The following CELF2 variants were observed in gnomAD, a reference collection of about 807,000 sequenced individuals.
CELF2 encodes CUG triplet repeat RNA-binding protein 2.
In CELF2, 8 loss-of-function variants were observed where a neutral mutation model predicts 62.6. That is an observed-to-expected ratio of 0.13 (90% CI 0.07 to 0.23). CELF2 has a LOEUF of 0.23. Among genes scored for constraint, CELF2 ranks in the 10% least tolerant of loss-of-function variants. The probability of loss-of-function intolerance (pLI) is 1.00; values close to 1 mark genes in which losing one functional copy is unlikely to be tolerated. For missense variants in CELF2, 333 were observed against 671.0 expected, an observed-to-expected ratio of 0.50 and a Z score of 5.56; for synonymous variants, 258 against 250.0, an observed-to-expected ratio of 1.03 and a Z score of -0.30.
chr10:11,228,718 C>CAAA (rs56167230), intron 3 of CELF2, among the ~76,000 whole-genome samples: 31 of 135,162 alleles, frequency 2.3e-4, no homozygotes, highest in African/African-American at 7.7e-4. Context: ...GCGCCCCTCG[C>CAAA]AAAAAAAAAA....
At chr10:10,760,439 G>T in the CELF2 span, among the ~76,000 whole-genome samples, 4 of 152,188 alleles carry the variant, frequency 2.6e-5, no homozygotes, top group Non-Finnish European at 4.4e-5. Flanking sequence ...TTCTTTGATT[G>T]CATTCATTCA....
the CELF2 span, among the ~76,000 whole-genome samples, chr10:10,556,600 G>T: frequency 6.6e-6 from 1 of 152,116 alleles, no homozygotes; most frequent in Admixed American, 6.5e-5. Context: ...TCCCTGAGGA[G>T]TCGCCACGCT....
rs569624847 is a variant in CELF2 at position 11,279,087 on chromosome 10, C to G, written c.841+3967C>G. On this transcript the variant is annotated intron_variant, in intron 8 of 12. Transcript: ENST00000633077. ...ATCCTGGAAAACATCTCAAGTTTATCATGAGTGAGTTTTTCTTTTTAGGGG... is the reference window on the plus strand; with the variant it reads ...ATCCTGGAAAACATCTCAAGTTTATGATGAGTGAGTTTTTCTTTTTAGGGG... Among the ~76,000 whole-genome samples the G allele has an allele frequency of 2.0e-5, 3 of 152,304 alleles. No homozygotes were observed. In the South Asian group the frequency reaches 6.2e-4, roughly 32 times the overall value.
chr10:10,963,954 A>G (rs2049840418), intron 2 of CELF2, among the ~76,000 whole-genome samples: 1 of 152,232 alleles, frequency 6.6e-6, no homozygotes, highest in Admixed American at 6.5e-5. Context: ...AAAAAGATTC[A>G]GAAGGATTCT....
chr10:10,687,549 T>C, the CELF2 span, among the ~76,000 whole-genome samples: 1 of 152,218 alleles, frequency 6.6e-6, no homozygotes, highest in Non-Finnish European at 1.5e-5. Context: ...AAATTACTTC[T>C]TAATAACATC....
intron 2 of CELF2, among the ~76,000 whole-genome samples, chr10:10,999,968 G>A (rs1228522211): frequency 1.3e-5 from 2 of 152,204 alleles, no homozygotes; most frequent in Non-Finnish European, 2.9e-5. Context: ...AAAATAGCAA[G>A]AATAAACTTG....
chr10:11,313,797 A>G (rs939369158), intron 9 of CELF2, among the ~76,000 whole-genome samples: 4 of 152,200 alleles, frequency 2.6e-5, no homozygotes, highest in Non-Finnish European at 5.9e-5. Context: ...GCTTAAAAAA[A>G]AAAAAAAAGA....
rs2053881902 is a variant in CELF2, at chr10:10,995,726, G to C, written c.89+75727G>C. Among the ~76,000 whole-genome samples the C allele has an allele frequency of 6.6e-6, 1 of 152,194 alleles. No individual in the cohort carries two copies. Among genetic ancestry groups the C allele is most frequent in the South Asian group, 2.1e-4 (1 of 4,830 alleles). ...TGGCTGAAATGTGTAGCATGGATCA[G>C]AGCCAGAGAGACTAGGGACAGGGAG... On this transcript the variant is annotated intron_variant, in intron 2 of 13. Coordinates refer to the CELF2 transcript ENST00000636488. This position sits in a 1 kb window ranked among gnomAD's most constrained non-coding sequence, Gnocchi z 4.7.
At chr10:11,218,381 C>G (rs994626821) in intron 3 of CELF2, among the ~76,000 whole-genome samples, 2 of 152,142 alleles carry the variant, frequency 1.3e-5, no homozygotes, top group African/African-American at 4.8e-5. Context: ...ATAATTCTAC[C>G]TTTGTGTCTT....
chr10:10,835,813 A>T (rs1590980031), intron 1 of CELF2, among the ~76,000 whole-genome samples: 1 of 152,248 alleles, frequency 6.6e-6, no homozygotes, highest in African/African-American at 2.4e-5. Flanking sequence ...AGACAACAAT[A>T]TGTAAACAAA....
the CELF2 span, among the ~76,000 whole-genome samples, chr10:10,649,788 G>T: frequency 6.6e-6 from 1 of 152,200 alleles, no homozygotes; most frequent in Non-Finnish European, 1.5e-5. Flanking sequence ...CGCGTGTAGT[G>T]TAGGTAAACT....
Position 10,988,038 on chromosome 10 carries a change from G to A in CELF2, c.89+68039G>A, listed in dbSNP as rs571187215. Among the ~76,000 whole-genome samples the A allele has an allele frequency of 7.9e-5, 12 of 152,224 alleles. No individual in the cohort carries two copies. The South Asian group carries it at 2.5e-3, about 32-fold the overall frequency. ...GAATGCACATTAGGACAATCACTAT[G>A]GAAAAGTATGGGGATTCCTTAAAGA... On this transcript the variant is annotated intron_variant, in intron 2 of 13. Transcript: ENST00000636488.
At position 11,321,103 on chromosome 10, in the gene CELF2, G is replaced by T; in HGVS notation, c.1097-86G>T. On this transcript the variant is annotated intron_variant, in intron 10 of 12. Transcript: ENST00000633077. This position sits in a 1 kb window ranked among gnomAD's most constrained non-coding sequence, Gnocchi z 6.2. ...AGCTGCATGTACTTGCTGTTGTACT[G>T]TGTTTAAATGATTCTCTAACTTCCT... is the stretch of plus-strand genomic sequence containing the variant. 7.0e-7 allele frequency: 1 copy of T among 1,426,762 alleles called. No individual in the cohort carries two copies. 88.4% of individuals were successfully genotyped at this position (1,426,762 alleles called of 1,614,324 possible).
Position 11,092,461 on chromosome 10 carries a change from TAAGAA to T in CELF2, c.75-73016_75-73012del, listed in dbSNP as rs756278054. 6.6e-5 allele frequency: 10 copies of T among 152,000 alleles called. No homozygotes were observed. The East Asian group carries it at 1.9e-3, about 29-fold the overall frequency. The allele number at this position is 152,000 out of a possible 1,614,324, so 9.4% of individuals were successfully genotyped here. A position where few individuals can be genotyped will look rare whatever the true frequency, so the allele number is the denominator to read the frequency against. ...AGCTGAGACCCTCATAACAAAAGATTAAGAAAAGAAAAGCAGATAGATTTATTTAA... is the reference window on the plus strand; with the variant it reads ...AGCTGAGACCCTCATAACAAAAGATTAAGAAAAGCAGATAGATTTATTTAA... On this transcript the variant is annotated intron_variant, in intron 1 of 12. Transcript: ENST00000633077.
intron 1 of CELF2, among the ~76,000 whole-genome samples, chr10:10,820,372 T>C (rs2056857660): frequency 6.6e-6 from 1 of 152,218 alleles, no homozygotes; most frequent in African/African-American, 2.4e-5. Context: ...ATTGTCCAAC[T>C]CTTCTCAACT....
chr10:11,285,025 G>C lies in CELF2; in HGVS notation c.842-3393G>C, dbSNP rs1244103667. On this transcript the variant is annotated intron_variant, in intron 8 of 12. Coordinates refer to ENST00000633077, the MANE Select transcript of CELF2 (RefSeq NM_001326342.2). This position sits in a 1 kb window ranked among gnomAD's most constrained non-coding sequence, Gnocchi z 4.3. ...ATGACGGATGGGTGGGAGGATAGTG[G>C]ATCTGTGGATGGATAATTAAGTGGA... 6.7e-6 allele frequency among the ~76,000 whole-genome samples: 1 copy of C among 150,048 alleles called. No homozygotes were observed. Among genetic ancestry groups the C allele is most frequent in the Admixed American group, 6.6e-5 (1 of 15,090 alleles).
chr10:10,799,953 G>T (rs1462280594), intron 1 of CELF2, among the ~76,000 whole-genome samples: 1 of 152,200 alleles, frequency 6.6e-6, no homozygotes, highest in East Asian at 1.9e-4. Flanking sequence ...TGGCTTCATA[G>T]GAGCTAGACC....
At chr10:10,599,306 G>A in the CELF2 span, among the ~76,000 whole-genome samples, 1 of 152,114 alleles carries the variant, frequency 6.6e-6, no homozygotes, top group Non-Finnish European at 1.5e-5. Flanking sequence ...CAAGTTCCTT[G>A]CTTGTAAAAT....
At chr10:10,779,531 C>G in the CELF2 span, among the ~76,000 whole-genome samples, 300 of 152,194 alleles carry the variant, frequency 2.0e-3, 1 homozygote, top group Admixed American at 3.1e-3. Flanking sequence ...GGCTCCGTCT[C>G]CCTCACCTCA....
Sources: allele counts gnomAD v4.1 joint callset (sites outside exome capture counted in the v4.1 genomes callset), GRCh38; gene constraint gnomAD v4.1.1; non-coding constraint Gnocchi (gnomAD v3.1); transcripts MANE v1.5; gene names NCBI Gene and HGNC (gene_info 2026-07-23, HGNC 2026-07-21).